Variants in HECW2 observed in about 807,000 individuals in gnomAD.
HECW2 encodes the protein HECT, C2 and WW domain containing E3 ubiquitin protein ligase 2, also known as E3 ubiquitin-protein ligase HECW2.
A neutral mutation model predicts 175.2 loss-of-function variants in HECW2; 61 were observed. That is an observed-to-expected ratio of 0.35 (90% confidence interval 0.28 to 0.43). The LOEUF is 0.43. HECW2 is among the 20% of genes least tolerant of loss of function. HECW2 has a pLI of 1.00. For missense variants in HECW2, 1,524 were observed against 2,000.5 expected, an observed-to-expected ratio of 0.76 and a Z score of 4.54; for synonymous variants, 671 against 731.0, an observed-to-expected ratio of 0.92 and a Z score of 1.32.
chr2:196,441,972 A>T (rs567953176), intron 1 of HECW2, among the ~76,000 whole-genome samples: 1 of 152,312 alleles, frequency 6.6e-6, no homozygotes, highest in Non-Finnish European at 1.5e-5. Flanking sequence ...AATATGTTAT[A>T]ATCCACAACA....
At chr2:196,452,762 C>T (rs1006064887) in intron 1 of HECW2, among the ~76,000 whole-genome samples, 24 of 147,916 alleles carry the variant, frequency 1.6e-4, no homozygotes, top group Non-Finnish European at 3.4e-4. Flanking sequence ...TTTTTCTATG[C>T]ATGATCAAAT....
chr2:196,486,691 A>T (rs1430990193), intron 1 of HECW2, among the ~76,000 whole-genome samples: 2 of 152,204 alleles, frequency 1.3e-5, no homozygotes, highest in Non-Finnish European at 2.9e-5. Context: ...GGTTTAATGA[A>T]TAGAATGATA....
chr2:196,440,749 G>A (rs549484809), intron 1 of HECW2, among the ~76,000 whole-genome samples: 28 of 152,206 alleles, frequency 1.8e-4, no homozygotes, highest in South Asian at 6.2e-4. Context: ...TAAAGGCGAC[G>A]GCAAGGGAAG....
At position 196,433,315 on chromosome 2, in the gene HECW2, T is replaced by A; in HGVS notation, c.109A>T (p.Met37Leu). ...CGCTGCAGGGTCATGTTCTCTGGCA[T>A]GGAGCTCTGGGCGGCAAGGCTCTGG... ...NLQSLAAQSS[M>L]PENMTLQRAN... is the part of the protein sequence containing the mutation. Residue 37 changes from methionine (M) to leucine (L), a missense_variant, in exon 2 of 29, where the codon ATG (methionine) becomes TTG (leucine). Around this residue, in one of 11 missense-constraint regions of HECW2, gnomAD observed 135 missense variants for 214.6 expected, o/e 0.63. Coordinates refer to ENST00000644978, the MANE Select transcript of HECW2 (RefSeq NM_001348768.2). 2 of 1,614,106 alleles carry A rather than the reference T, an allele frequency of 1.2e-6. No homozygotes were observed. The highest frequency in any genetic ancestry group is 1.7e-6 in the Non-Finnish European group (2 of 1,179,990).
intron 1 of HECW2, among the ~76,000 whole-genome samples, chr2:196,585,751 C>T (rs576980485): frequency 7.2e-5 from 11 of 152,092 alleles, no homozygotes; most frequent in Admixed American, 3.9e-4. Flanking sequence ...CGGAGGGTAT[C>T]CAATACCACT....
At chr2:196,248,639 GAC>G (rs1688744367) in intron 19 of HECW2, among the ~76,000 whole-genome samples, 1 of 143,810 alleles carries the variant, frequency 7.0e-6, no homozygotes, top group East Asian at 2.2e-4. Context: ...CACAGAGAGA[GAC>G]AGAGAGGAAT....
intron 1 of HECW2, among the ~76,000 whole-genome samples, chr2:196,446,786 T>C (rs1397561694): frequency 6.6e-6 from 1 of 152,134 alleles, no homozygotes; most frequent in African/African-American, 2.4e-5. Flanking sequence ...CAAGAAGGAA[T>C]AACCACATTA....
chr2:196,458,467 C>A (rs1411850164), intron 1 of HECW2, among the ~76,000 whole-genome samples: 3 of 152,028 alleles, frequency 2.0e-5, no homozygotes, highest in African/African-American at 7.2e-5. Context: ...CACATACACA[C>A]ACCCCAAGGG....
At chr2:196,215,785 C>A in intron 28 of HECW2, 80 bp downstream of exon 28, 3 of 959,788 alleles carry the variant, frequency 3.1e-6, no homozygotes, top group Non-Finnish European at 4.8e-6. Context: ...AATATAAAAG[C>A]AGTAATTAAT....
chr2:196,524,021 C>A (rs201441334), intron 1 of HECW2, among the ~76,000 whole-genome samples: 62 of 148,744 alleles, frequency 4.2e-4, no homozygotes, highest in Non-Finnish European at 4.9e-4. Context: ...CCCTCTTTTT[C>A]TATTGATTGG....
chr2:196,259,841 C>G (rs537036909), intron 17 of HECW2, among the ~76,000 whole-genome samples: 3 of 152,176 alleles, frequency 2.0e-5, no homozygotes, highest in Non-Finnish European at 4.4e-5. Context: ...ATAACTTAAC[C>G]AAAGAACTAC....
At chr2:196,395,799 G>A (rs1694645501) in intron 2 of HECW2, among the ~76,000 whole-genome samples, 1 of 151,920 alleles carries the variant, frequency 6.6e-6, no homozygotes, top group South Asian at 2.1e-4. Context: ...AAATGGTGCA[G>A]CTGCTATGAA....
chr2:196,229,279 A>AT (rs573996893), intron 21 of HECW2, among the ~76,000 whole-genome samples: 45 of 147,954 alleles, frequency 3.0e-4, no homozygotes, highest in East Asian at 3.9e-4. Flanking sequence ...TTCTTTTTGA[A>AT]TTTTTTTTTT....
chr2:196,248,635 G>C (rs62184581), intron 19 of HECW2, among the ~76,000 whole-genome samples: 27 of 124,654 alleles, frequency 2.2e-4, no homozygotes, highest in Admixed American at 7.5e-4. Context: ...CACACACAGA[G>C]AGAGACAGAG....
intron 1 of HECW2, among the ~76,000 whole-genome samples, chr2:196,578,990 G>A (rs1559185736): frequency 6.6e-6 from 1 of 152,062 alleles, no homozygotes; most frequent in Non-Finnish European, 1.5e-5. Flanking sequence ...TAATTTAAAT[G>A]ACAATTGCAT....
chr2:196,543,086 C>T (rs1689284693), intron 1 of HECW2, among the ~76,000 whole-genome samples: 1 of 150,560 alleles, frequency 6.6e-6, no homozygotes, highest in South Asian at 2.1e-4. Flanking sequence ...GTTGCTATCA[C>T]TGGGAGGTAG....
chr2:196,367,716 T>C lies in HECW2; in HGVS notation c.293-23952A>G, dbSNP rs968617823. 3.3e-5 allele frequency among the ~76,000 whole-genome samples: 5 copies of C among 152,242 alleles called. No individual in the cohort carries two copies. In the East Asian group the frequency reaches 9.6e-4, roughly 29 times the overall value. On this transcript the variant is annotated intron_variant, in intron 2 of 28. Coordinates refer to ENST00000644978, the MANE Select transcript of HECW2 (RefSeq NM_001348768.2). ...GAGTTCAATTGTTTTCATGTTTAGT[T>C]CCCACAAGTAAGTGACAACATGCGA...
chr2:196,396,306 A>C (rs1286315366), intron 2 of HECW2, among the ~76,000 whole-genome samples: 2 of 152,238 alleles, frequency 1.3e-5, no homozygotes, highest in Non-Finnish European at 2.9e-5. Context: ...TGAGAACTTT[A>C]CTATTCAAAC....
intron 1 of HECW2, among the ~76,000 whole-genome samples, chr2:196,590,102 GA>G (rs1691131512): frequency 6.6e-6 from 1 of 152,152 alleles, no homozygotes; most frequent in Non-Finnish European, 1.5e-5. Context: ...GGTGTCGGAA[GA>G]GGGGTGATGA....
Sources: gnomAD v4.1 joint callset for allele counts (sites outside exome capture counted in the v4.1 genomes callset) on GRCh38, gnomAD v4.1.1 for gene constraint, gnomAD v4.1.1 regional missense constraint, MANE v1.5 for transcripts, NCBI Gene and HGNC (gene_info 2026-07-23, HGNC 2026-07-21) for gene names.